The following SGK3 variants were observed in gnomAD, a reference collection of about 807,000 sequenced individuals.
The protein encoded by SGK3 is serine/threonine-protein kinase Sgk3.
Under a neutral mutation model 68.5 loss-of-function variants are expected in SGK3, and 47 were observed. The observed-to-expected ratio is 0.69, with a 90% CI of 0.54 to 0.87. The LOEUF is 0.87. SGK3 is among the 40% of genes least tolerant of loss of function. SGK3 has a pLI of 0.00. For synonymous variants in SGK3, 181 were observed against 189.1 expected (o/e 0.96, Z 0.35); for missense variants, 479 against 575.5 (o/e 0.83, Z 1.72).
intron 1 of SGK3, among the ~76,000 whole-genome samples, chr8:66,760,907 C>T (rs530152354): frequency 4.2e-4 from 64 of 151,586 alleles, no homozygotes; most frequent in Non-Finnish European, 6.9e-4. Flanking sequence ...ATCCCAGCTA[C>T]TTGGGAGGCT....
intron 1 of SGK3, among the ~76,000 whole-genome samples, chr8:66,719,511 G>A (rs1804739208): frequency 6.6e-6 from 1 of 151,930 alleles, no homozygotes. Flanking sequence ...TAGAGACAAG[G>A]TCTTACTATA....
intron 1 of SGK3, among the ~76,000 whole-genome samples, chr8:66,716,912 G>C (rs1242048323): frequency 1.3e-5 from 2 of 152,056 alleles, no homozygotes; most frequent in Non-Finnish European, 2.9e-5. Context: ...TTAAAATGTA[G>C]AGGCCAGGCA....
In SGK3 at chr8:66,793,620, C is replaced by A; in HGVS notation, c.-117C>A. On this transcript the variant is annotated 5_prime_UTR_variant, in exon 2 of 17. Transcript: ENST00000521198. ...TTTTTTTTTCTGTTGGTTAAGGTTG[C>A]ATGATGGAATTTGAACATTACTTCA... The A allele has an allele frequency of 2.3e-6, 2 of 852,304 alleles. No homozygotes were observed. The highest frequency in any genetic ancestry group is 3.4e-6 in the Non-Finnish European group (2 of 583,298). The allele number at this position is 852,304 out of a possible 1,614,324, so 52.8% of individuals were successfully genotyped here.
In SGK3 at chr8:66,747,373, A is replaced by T. The variant is rs1379875083; in HGVS notation, c.-122+34540A>T. On this transcript the variant is annotated intron_variant, in intron 1 of 16. Coordinates refer to ENST00000521198, the MANE Select transcript of SGK3 (RefSeq NM_001033578.3). ...ATTTCTTACCAAGTAATTACTTAGA[A>T]TAAAAGACTATCTTCAAGTAGTTTA... 2.0e-5 allele frequency among the ~76,000 whole-genome samples: 3 copies of T among 152,216 alleles called. No individual in the cohort carries two copies. The East Asian group carries it at 5.8e-4, about 29-fold the overall frequency.
chr8:66,794,230 A>G (rs1807581836), intron 2 of SGK3, among the ~76,000 whole-genome samples: 1 of 152,198 alleles, frequency 6.6e-6, no homozygotes, highest in Admixed American at 6.5e-5. Flanking sequence ...GTTTTAAAAT[A>G]TTTAATTCAG....
chr8:66,835,008 G>T (rs949528251), intron 8 of SGK3, among the ~76,000 whole-genome samples: 1 of 151,892 alleles, frequency 6.6e-6, no homozygotes. Context: ...GGTGGCTTAC[G>T]CCTGTTATCC....
At chr8:66,802,758 GAGGA>G (rs909465523) in intron 3 of SGK3, among the ~76,000 whole-genome samples, 9 of 151,752 alleles carry the variant, frequency 5.9e-5, no homozygotes, top group Admixed American at 2.0e-4. Context: ...AAGGAAGAAG[GAGGA>G]AGGAAGGAAG....
intron 14 of SGK3, among the ~76,000 whole-genome samples, chr8:66,846,723 A>G (rs547366407): frequency 7.2e-5 from 11 of 152,334 alleles, no homozygotes; most frequent in Non-Finnish European, 1.2e-4. Flanking sequence ...AATTCTGCAA[A>G]GTACAGTCAT....
chr8:66,748,637 A>G (rs150043882), intron 1 of SGK3, among the ~76,000 whole-genome samples: 1 of 152,182 alleles, frequency 6.6e-6, no homozygotes, highest in Non-Finnish European at 1.5e-5. Flanking sequence ...CCAGGCCAGC[A>G]GTGCCTTGGA....
chr8:66,767,518 G>A (rs773513918), intron 1 of SGK3: 5 of 1,512,598 alleles, frequency 3.3e-6, no homozygotes, highest in Admixed American at 1.7e-5. Flanking sequence ...AGGTGAAGGG[G>A]GGCCCAGCTG....
At position 66,859,430 on chromosome 8, in the gene SGK3, G is replaced by T; in HGVS notation, c.1340G>T (p.Arg447Ile). 1 of 1,608,644 alleles carries T rather than the reference G, an allele frequency of 6.2e-7. No individual in the cohort carries two copies. Among genetic ancestry groups the T allele is most frequent in the East Asian group, 2.2e-5 (1 of 44,828 alleles). The part of the protein sequence containing the change: ...NPNVAGPDDI[R>I]NFDTAFTEET... ...TTTTAGGCTGGACCAGATGATATCA[G>T]AAACTTTGACACAGCATTTACAGAA... Residue 447 changes from arginine to isoleucine, a missense_variant, in exon 17 of 17, where the codon AGA becomes ATA. Physicochemically the swap from Arg to Ile is moderately conservative, Grantham distance 97 (BLOSUM62 -3). Coordinates refer to ENST00000521198, the MANE Select transcript of SGK3 (RefSeq NM_001033578.3).
At chr8:66,776,044 A>G (rs1337073354) in intron 1 of SGK3, among the ~76,000 whole-genome samples, 1 of 152,218 alleles carries the variant, frequency 6.6e-6, no homozygotes, top group Non-Finnish European at 1.5e-5. Context: ...TTTGTTATGC[A>G]TTCAGATGGG....
intron 1 of SGK3, among the ~76,000 whole-genome samples, chr8:66,729,861 C>T (rs931415774): frequency 7.2e-5 from 11 of 152,040 alleles, no homozygotes; most frequent in Non-Finnish European, 1.3e-4. Flanking sequence ...TCTTCTGCCT[C>T]GGCCTTCTGA....
At chr8:66,765,691 G>C (rs1488982048) in intron 1 of SGK3, among the ~76,000 whole-genome samples, 1 of 151,260 alleles carries the variant, frequency 6.6e-6, no homozygotes, top group South Asian at 2.1e-4. Flanking sequence ...TTTCTTCTTT[G>C]ACCCATGGGT....
intron 8 of SGK3, among the ~76,000 whole-genome samples, chr8:66,833,211 G>A (rs1223342417): frequency 2.0e-5 from 3 of 152,112 alleles, no homozygotes; most frequent in African/African-American, 4.8e-5. Context: ...TTACCATGTT[G>A]GCCAGGCTGG....
chr8:66,730,168 G>T (rs1317550814), intron 1 of SGK3, among the ~76,000 whole-genome samples: 1 of 152,056 alleles, frequency 6.6e-6, no homozygotes, highest in Non-Finnish European at 1.5e-5. Flanking sequence ...CATGTAAAAT[G>T]ATATTTCATT....
At chr8:66,787,726 T>C (rs1199926841) in intron 1 of SGK3, among the ~76,000 whole-genome samples, 2 of 152,252 alleles carry the variant, frequency 1.3e-5, no homozygotes, top group African/African-American at 2.4e-5. Flanking sequence ...CTGTCTGTAG[T>C]GGGCATTTAT....
At chr8:66,781,379 G>A (rs1281332210) in intron 1 of SGK3, among the ~76,000 whole-genome samples, 9 of 152,172 alleles carry the variant, frequency 5.9e-5, no homozygotes, top group African/African-American at 2.2e-4. Flanking sequence ...ACGGGGTCTA[G>A]CTCTGTCACT....
At chr8:66,758,212 G>A (rs1306001386) in intron 1 of SGK3, among the ~76,000 whole-genome samples, 1 of 151,800 alleles carries the variant, frequency 6.6e-6, no homozygotes, top group African/African-American at 2.4e-5. Flanking sequence ...AAATTAGCCA[G>A]GTGTGGTGGT....
Sources: gnomAD v4.1 joint callset for allele counts (sites outside exome capture counted in the v4.1 genomes callset) on GRCh38, gnomAD v4.1.1 for gene constraint, MANE v1.5 for transcripts, NCBI Gene and HGNC (gene_info 2026-07-23, HGNC 2026-07-21) for gene names.